ACAD10: variants seen among roughly 807,000 people sequenced by gnomAD.
ACAD10 encodes the protein acyl-CoA dehydrogenase family member 10.
ACAD10 carries 112 observed loss-of-function variants against 116.8 expected under a neutral mutation model. The ratio of observed to expected loss-of-function variants is 0.96; its 90% confidence interval spans 0.82 to 1.12. ACAD10 has a LOEUF of 1.12. Among genes scored for constraint, ACAD10 ranks in the 50% most tolerant of loss-of-function variants. The pLI is 0.00. For synonymous variants in ACAD10, 486 were observed against 510.6 expected (o/e 0.95, Z 0.65); for missense variants, 1,259 against 1,350.2 (o/e 0.93, Z 1.06).
chr12:111,726,775 C>G (rs1889225645), intron 8 of ACAD10, among the ~76,000 whole-genome samples: 1 of 152,112 alleles, frequency 6.6e-6, no homozygotes, highest in Non-Finnish European at 1.5e-5. Context: ...GCAGGAGAAT[C>G]ACTTGAACCC....
intron 7 of ACAD10, among the ~76,000 whole-genome samples, chr12:111,716,757 G>A (rs1289396534): frequency 1.3e-5 from 2 of 152,304 alleles, no homozygotes; most frequent in African/African-American, 4.8e-5. Context: ...TCAGGAGGCT[G>A]AGGTGGGAGG....
intron 4 of ACAD10, 128 bp from the exon 5 acceptor site, chr12:111,709,398 C>T: frequency 1.3e-6 from 1 of 790,348 alleles, no homozygotes; most frequent in East Asian, 3.1e-5. Context: ...TCATAACACT[C>T]TTAAATTACT....
intron 2 of ACAD10, among the ~76,000 whole-genome samples, chr12:111,697,133 C>T (rs1022313002): frequency 1.3e-5 from 2 of 150,480 alleles, no homozygotes; most frequent in African/African-American, 4.9e-5. Context: ...CCCAGATACT[C>T]GGGAGACTGA....
At chr12:111,746,955 G>A (rs1889920771) in intron 14 of ACAD10, 94 bp from the exon 15 acceptor site, 14 of 1,482,100 alleles carry the variant, frequency 9.4e-6, no homozygotes, top group South Asian at 6.9e-5. Context: ...AGCCATGATC[G>A]TGCCACGATA....
intron 4 of ACAD10, among the ~76,000 whole-genome samples, chr12:111,708,355 G>A (rs1888571169): frequency 6.6e-6 from 1 of 152,010 alleles, no homozygotes; most frequent in African/African-American, 2.4e-5. Flanking sequence ...CCTAGCTCTT[G>A]TCTCAGCCAG....
chr12:111,695,696 A>G (rs1888172705), intron 2 of ACAD10, among the ~76,000 whole-genome samples: 1 of 152,136 alleles, frequency 6.6e-6, no homozygotes, highest in African/African-American at 2.4e-5. Flanking sequence ...CAAATGAACC[A>G]TATCAAGGGT....
At chr12:111,710,205 T>C in intron 5 of ACAD10, 1 of 429,220 alleles carries the variant, frequency 2.3e-6, no homozygotes, top group South Asian at 1.7e-5. Flanking sequence ...TCCTCCTACC[T>C]CAGTCTCCTG....
rs1245621645 is a variant in ACAD10 at position 111,744,869 on chromosome 12, C to T, written c.1941C>T (p.Thr647=). The T allele has an allele frequency of 1.9e-6, 3 of 1,614,094 alleles. No individual in the cohort carries two copies. Among genetic ancestry groups the T allele is most frequent in the Admixed American group, 3.3e-5 (2 of 60,000 alleles). The part of the protein sequence containing the change: ...SSVPEASPAH[T]SRGGLVISPE... ...TTCCAGAAGCTTCCCCAGCTCATAC[C>T]TCAAGGGGAGGTCTGGTTATCTCTC... The change falls in exon 13 of 21, where the codon ACC becomes ACT. Residue 647 remains threonine, a synonymous_variant. Coordinates refer to ENST00000313698, the MANE Select transcript of ACAD10 (RefSeq NM_025247.6).
At chr12:111,716,993 T>C (rs1241914228) in intron 7 of ACAD10, among the ~76,000 whole-genome samples, 1 of 152,190 alleles carries the variant, frequency 6.6e-6, no homozygotes, top group Non-Finnish European at 1.5e-5. Flanking sequence ...TATCGAATGG[T>C]TAATATGTGC....
In ACAD10 at chr12:111,756,745, C is replaced by CA; in HGVS notation, c.*273dup. ...TCTGGAAAGCTGGTCTTCAGGCTCT[C>CA]AGTCCCAGGCTGGGCAGGCACGGTC... On this transcript the variant is annotated 3_prime_UTR_variant, in exon 21 of 21. Transcript: ENST00000313698. 1.6e-6 allele frequency: 1 copy of CA among 614,916 alleles called. No individual in the cohort carries two copies. The highest frequency in any genetic ancestry group is 3.0e-6 in the Non-Finnish European group (1 of 332,338). The allele number at this position is 614,916 out of a possible 1,614,324, so 38.1% of individuals were successfully genotyped here.
At position 111,712,626 on chromosome 12, in the gene ACAD10, C is replaced by T. The variant is rs778143502; in HGVS notation, c.819C>T (p.Tyr273=). Residue 273 remains tyrosine (Y), a synonymous_variant, in exon 6 of 21, where the codon TAC becomes TAT. Transcript: ENST00000313698. ...MEIPKDSLQK[Y]LKDLLGIQTT... ...TTCCGAAAGATTCCTTGCAGAAGTA[C>T]CTCAAAGACTTACTGGGTATCCAGA... 1 of 1,614,062 alleles carries T rather than the reference C, an allele frequency of 6.2e-7. No homozygotes were observed.
Position 111,715,867 on chromosome 12 carries a change from T to C in ACAD10, c.897T>C (p.Thr299=). The part of the protein sequence containing the change: ...LQFDHGQSNP[T]YYIRLANRDL... ...TTGATCACGGGCAGTCAAATCCAAC[T>C]TACTACATCAGGCTGGCTAATCGTG... Residue 299 remains threonine, a synonymous_variant, in exon 7 of 21, where the codon ACT becomes ACC. Transcript: ENST00000313698. 2 of 1,614,134 alleles carry C rather than the reference T, an allele frequency of 1.2e-6. No individual in the cohort carries two copies. Among genetic ancestry groups the C allele is most frequent in the Non-Finnish European group, 1.7e-6 (2 of 1,180,024 alleles).
Position 111,728,025 on chromosome 12 carries a change from C to A in ACAD10, c.1125C>A (p.Ser375=), listed in dbSNP as rs772343029. ...CAGGTCTCATCTACAAAGACCCTTC[C>A]CTGCCAGGCTTGGAGCCCAGCCACA... The part of the protein sequence containing the change: ...YCPGLIYKDP[S]LPGLEPSHRR... Residue 375 remains serine, a synonymous_variant, in exon 9 of 21, where the codon TCC becomes TCA. Coordinates refer to ENST00000313698, the MANE Select transcript of ACAD10 (RefSeq NM_025247.6). The A allele has an allele frequency of 6.2e-7, 1 of 1,614,146 alleles. No individual in the cohort carries two copies. Among genetic ancestry groups the A allele is most frequent in the East Asian group, 2.2e-5 (1 of 44,886 alleles).
chr12:111,744,921 G>T lies in ACAD10; in HGVS notation c.1993G>T (p.Glu665Ter). ...AGAGAGCCTCTCTCCACCTGTCAGA[G>T]AGCTGTATCACCGGCTGAAGCACTT... Reference protein sequence around the residue: ...SPESLSPPVRELYHRLKHFME... With the variant: ...SPESLSPPVR The change falls in exon 13 of 21, where the codon GAG (glutamate) becomes TAG (stop). Residue 665 changes from glutamate (E) to a stop codon, truncating the protein, a stop_gained. Transcript: ENST00000313698. LOFTEE classifies it high-confidence loss of function. 6.2e-7 allele frequency: 1 copy of T among 1,614,160 alleles called. No individual in the cohort carries two copies. The highest frequency in any genetic ancestry group is 8.5e-7 in the Non-Finnish European group (1 of 1,180,042).
At chr12:111,703,647 G>A (rs1166341110) in intron 3 of ACAD10, among the ~76,000 whole-genome samples, 2 of 151,988 alleles carry the variant, frequency 1.3e-5, no homozygotes, top group South Asian at 2.1e-4. Context: ...AGACAAGCCC[G>A]GCCAACATGG....
intron 19 of ACAD10, 55 bp downstream of exon 19, chr12:111,753,970 T>C (rs1890141815): frequency 1.3e-6 from 2 of 1,536,720 alleles, no homozygotes; most frequent in Admixed American, 2.0e-5. Flanking sequence ...TCCTCCTCAC[T>C]CAGCAAAGCA....
At chr12:111,726,339 C>T (rs943177898) in intron 8 of ACAD10, among the ~76,000 whole-genome samples, 5 of 152,008 alleles carry the variant, frequency 3.3e-5, no homozygotes, top group Non-Finnish European at 7.4e-5. Flanking sequence ...ATTGGGTCAC[C>T]TTAGTACTGC....
chr12:111,698,562 C>T (rs1327951476), intron 2 of ACAD10, among the ~76,000 whole-genome samples: 1 of 151,744 alleles, frequency 6.6e-6, no homozygotes, highest in Non-Finnish European at 1.5e-5. Flanking sequence ...ACCACAACTT[C>T]TGCCTCCCAG....
At chr12:111,754,789 C>T (rs1890163117) in intron 19 of ACAD10, among the ~76,000 whole-genome samples, 1 of 152,236 alleles carries the variant, frequency 6.6e-6, no homozygotes, top group Non-Finnish European at 1.5e-5. Flanking sequence ...CAGAGCTGGC[C>T]GTGACCCTGA....
Sources: gnomAD v4.1 joint callset for allele counts (sites outside exome capture counted in the v4.1 genomes callset) on GRCh38, gnomAD v4.1.1 for gene constraint, MANE v1.5 for transcripts, NCBI Gene and HGNC (gene_info 2026-07-23, HGNC 2026-07-21) for gene names.